Variants in GPC6 observed in about 807,000 individuals in gnomAD.
The protein encoded by GPC6 is glypican-6.
A neutral mutation model predicts 55.2 loss-of-function variants in GPC6; 14 were observed. The ratio of observed to expected loss-of-function variants is 0.25; its 90% CI spans 0.17 to 0.40. GPC6 has a LOEUF of 0.40. Among genes scored for constraint, GPC6 ranks in the 10% least tolerant of loss-of-function variants. The pLI is 1.00. For synonymous variants in GPC6, 278 were observed against 259.6 expected (o/e 1.07, Z -0.68); for missense variants, 641 against 708.5 (o/e 0.90, Z 1.08).
chr13:93,578,531 A>G (rs553239633), intron 2 of GPC6, among the ~76,000 whole-genome samples: 21 of 151,630 alleles, frequency 1.4e-4, no homozygotes, highest in African/African-American at 3.6e-4. Context: ...CTATGATCTC[A>G]GTTCTTATGT....
intron 2 of GPC6, chr13:93,818,538 T>C (rs1294787334): frequency 6.6e-6 from 1 of 152,256 alleles, no homozygotes; most frequent in East Asian, 1.9e-4. Flanking sequence ...CCCTGTTCTT[T>C]CCTCTTCCCA....
intron 2 of GPC6, among the ~76,000 whole-genome samples, chr13:93,796,011 C>T (rs1594464447): frequency 1.3e-5 from 2 of 151,426 alleles, no homozygotes; most frequent in Admixed American, 1.3e-4. Context: ...TAGGGAGACC[C>T]CGTCTCCGAG....
At chr13:93,924,691 CTTTTCTTTTT>C (rs1877758172) in intron 3 of GPC6, among the ~76,000 whole-genome samples, 1 of 119,090 alleles carries the variant, frequency 8.4e-6, no homozygotes, top group African/African-American at 3.3e-5. Flanking sequence ...TTTTTTCTTT[CTTTTCTTTTT>C]TTTTTTTTTT....
At chr13:94,179,709 A>G (rs1888915590) in intron 4 of GPC6, among the ~76,000 whole-genome samples, 1 of 152,218 alleles carries the variant, frequency 6.6e-6, no homozygotes, top group Admixed American at 6.5e-5. Context: ...TAGTTAGCTG[A>G]GAAAGCACAA....
At chr13:93,462,342 C>T (rs996463) in intron 1 of GPC6, among the ~76,000 whole-genome samples, 26,529 of 151,942 alleles carry the variant, frequency 0.17, 2,876 homozygotes, top group East Asian at 0.48. Context: ...ACCTATCACA[C>T]CAAATTACCA....
intron 1 of GPC6, among the ~76,000 whole-genome samples, chr13:93,311,271 G>A (rs940145904): frequency 6.6e-6 from 1 of 152,164 alleles, no homozygotes; most frequent in African/African-American, 2.4e-5. Context: ...GTCTTAACAT[G>A]CATTCATTTT....
At chr13:94,145,465 T>C (rs2138886948) in intron 4 of GPC6, among the ~76,000 whole-genome samples, 1 of 152,274 alleles carries the variant, frequency 6.6e-6, no homozygotes, top group Middle Eastern at 3.4e-3. Flanking sequence ...CTTCAATATA[T>C]TGATATTTGT....
intron 3 of GPC6, among the ~76,000 whole-genome samples, chr13:93,856,245 A>G (rs750570961): frequency 2.0e-5 from 3 of 151,528 alleles, no homozygotes; most frequent in Non-Finnish European, 4.4e-5. Context: ...CTATAGGTCT[A>G]CTCAACAGCA....
At chr13:94,289,662 C>G (rs983400603) in intron 5 of GPC6, among the ~76,000 whole-genome samples, 5 of 152,128 alleles carry the variant, frequency 3.3e-5, no homozygotes, top group African/African-American at 1.2e-4. Context: ...TATGTCCATC[C>G]AAACCTAGAA....
At chr13:94,278,256 G>A (rs1892272062) in intron 4 of GPC6, among the ~76,000 whole-genome samples, 1 of 152,080 alleles carries the variant, frequency 6.6e-6, no homozygotes, top group African/African-American at 2.4e-5. Flanking sequence ...TTGGTATAAA[G>A]GAATGTTTGT....
At chr13:94,383,160 A>G (rs1880247400) in intron 7 of GPC6, among the ~76,000 whole-genome samples, 1 of 152,110 alleles carries the variant, frequency 6.6e-6, no homozygotes, top group Non-Finnish European at 1.5e-5. Context: ...GAATTTGTTG[A>G]TTCAGCCCAG....
At chr13:93,988,143 C>CA (rs1361552856) in intron 3 of GPC6, among the ~76,000 whole-genome samples, 2 of 152,166 alleles carry the variant, frequency 1.3e-5, no homozygotes, top group Non-Finnish European at 2.9e-5. Flanking sequence ...CTGCCAGAAA[C>CA]ATTGAATCAC....
At chr13:93,970,658 A>C (rs779037133) in intron 3 of GPC6, among the ~76,000 whole-genome samples, 55 of 152,292 alleles carry the variant, frequency 3.6e-4, no homozygotes, top group Non-Finnish European at 6.9e-4. Flanking sequence ...CATGTTTATC[A>C]CCCCATTAAT....
chr13:94,264,201 A>C (rs1891728582), intron 4 of GPC6, among the ~76,000 whole-genome samples: 1 of 152,344 alleles, frequency 6.6e-6, no homozygotes, highest in Admixed American at 6.5e-5. Flanking sequence ...CATGTTAGGC[A>C]AAACCAAGGC....
At chr13:93,946,512 C>T (rs1879018218) in intron 3 of GPC6, among the ~76,000 whole-genome samples, 1 of 152,186 alleles carries the variant, frequency 6.6e-6, no homozygotes, top group Admixed American at 6.5e-5. Context: ...AACAAGCTTA[C>T]AAAATTCATG....
intron 2 of GPC6, among the ~76,000 whole-genome samples, chr13:93,778,158 G>T (rs1377037592): frequency 6.6e-6 from 1 of 152,150 alleles, no homozygotes; most frequent in Non-Finnish European, 1.5e-5. Context: ...TTCTTTTGCT[G>T]GTAGAGGGAT....
chr13:94,356,594 G>A (rs778035569), intron 6 of GPC6, among the ~76,000 whole-genome samples: 1 of 152,212 alleles, frequency 6.6e-6, no homozygotes, highest in Non-Finnish European at 1.5e-5. Context: ...CTGCCTGAAA[G>A]GATGAAGCAG....
chr13:94,388,252 T>A (rs1484490312), intron 7 of GPC6, among the ~76,000 whole-genome samples: 1 of 152,212 alleles, frequency 6.6e-6, no homozygotes, highest in Non-Finnish European at 1.5e-5. Context: ...CATGTTGCAA[T>A]TTTGGGGGTT....
At chr13:94,146,090 T>C (rs1235860898) in intron 4 of GPC6, among the ~76,000 whole-genome samples, 1 of 152,206 alleles carries the variant, frequency 6.6e-6, no homozygotes, top group East Asian at 1.9e-4. Context: ...GCATGTTTTC[T>C]GATATTTCTG....
Sources: gnomAD v4.1 joint callset for allele counts (sites outside exome capture counted in the v4.1 genomes callset) on GRCh38, gnomAD v4.1.1 for gene constraint, MANE v1.5 for transcripts, NCBI Gene and HGNC (gene_info 2026-07-23, HGNC 2026-07-21) for gene names.